Variants in DOCK4 observed in about 807,000 individuals in gnomAD.
DOCK4 encodes the protein dedicator of cytokinesis protein 4.
A neutral mutation model predicts 268.1 loss-of-function variants in DOCK4; 97 were observed. The observed-to-expected ratio is 0.36, with a 90% confidence interval of 0.31 to 0.43. DOCK4 has a LOEUF of 0.43. Among genes scored for constraint, DOCK4 ranks in the 20% least tolerant of loss-of-function variants. DOCK4 has a pLI of 1.00. For missense variants in DOCK4, 2,145 were observed against 2,455.7 expected (o/e 0.87, Z 2.67); for synonymous variants, 954 against 887.2 (o/e 1.08, Z -1.34).
At chr7:112,113,442 G>GA (rs1442902481) in intron 1 of DOCK4, among the ~76,000 whole-genome samples, 14 of 151,882 alleles carry the variant, frequency 9.2e-5, no homozygotes, top group Admixed American at 3.9e-4. Flanking sequence ...GGTAAGGAGA[G>GA]AAAAAAATCA....
At chr7:111,744,708 A>ATTTT (rs1796151053) in intron 44 of DOCK4, among the ~76,000 whole-genome samples, 2 of 152,368 alleles carry the variant, frequency 1.3e-5, no homozygotes, top group South Asian at 4.1e-4. Flanking sequence ...AAGTCATTGC[A>ATTTT]TAATCCTAAG....
chr7:112,197,887 G>C (rs897417092), intron 1 of DOCK4, among the ~76,000 whole-genome samples: 2 of 148,998 alleles, frequency 1.3e-5, no homozygotes, highest in African/African-American at 5.0e-5. Flanking sequence ...TGAATGTTTT[G>C]CAGGTATCTC....
intron 46 of DOCK4, 86 bp downstream of exon 46, chr7:111,741,454 A>AAAT (rs1795910510): frequency 6.5e-7 from 1 of 1,543,246 alleles, no homozygotes; most frequent in African/African-American, 1.4e-5. Flanking sequence ...CGTATTTGAC[A>AAAT]AATTGTGCCA....
chr7:111,856,856 T>C (rs751604630), intron 23 of DOCK4, among the ~76,000 whole-genome samples: 5 of 152,210 alleles, frequency 3.3e-5, no homozygotes, highest in Non-Finnish European at 7.3e-5. Context: ...AATATACTTT[T>C]ACATTAGATC....
At chr7:112,156,055 C>T (rs914271454) in intron 1 of DOCK4, among the ~76,000 whole-genome samples, 6 of 152,268 alleles carry the variant, frequency 3.9e-5, no homozygotes, top group African/African-American at 1.2e-4. Context: ...TCGCAGACCT[C>T]GAGACCCCTA....
chr7:111,990,674 G>A lies in DOCK4; in HGVS notation c.316-1511C>T, dbSNP rs114019560. 9.2e-3 allele frequency among the ~76,000 whole-genome samples: 1,398 copies of A among 152,218 alleles called. 11 individuals are homozygous for A. The highest frequency in any genetic ancestry group is 0.024 in the Middle Eastern group (7 of 294). On this transcript the variant is annotated intron_variant, in intron 5 of 52. Coordinates refer to ENST00000428084, the MANE Select transcript of DOCK4 (RefSeq NM_001363540.2). ...ATCATCTTGCTTCTCTCTCAACTCC[G>A]AAGGCACTCTATTGAGCCCATTCTT... is the stretch of plus-strand genomic sequence containing the variant.
intron 13 of DOCK4, among the ~76,000 whole-genome samples, chr7:111,908,744 G>A (rs1227681792): frequency 6.0e-5 from 9 of 150,336 alleles, no homozygotes; most frequent in Non-Finnish European, 8.9e-5. Flanking sequence ...TTCCCCTCCC[G>A]GTGTCCATGT....
intron 44 of DOCK4, among the ~76,000 whole-genome samples, chr7:111,744,543 G>T (rs1004917602): frequency 6.6e-6 from 1 of 152,116 alleles, no homozygotes; most frequent in African/African-American, 2.4e-5. Flanking sequence ...AAGGTTCCCT[G>T]GTTTTATTTT....
chr7:112,012,283 G>A (rs942128881), intron 1 of DOCK4, among the ~76,000 whole-genome samples: 4 of 151,728 alleles, frequency 2.6e-5, no homozygotes, highest in South Asian at 4.2e-4. Context: ...TTAGACAGAC[G>A]CAGGCTTAAG....
chr7:111,963,212 G>A (rs1053247240), intron 8 of DOCK4, among the ~76,000 whole-genome samples: 4 of 152,058 alleles, frequency 2.6e-5, no homozygotes, highest in Non-Finnish European at 5.9e-5. Context: ...AGCCAAGATG[G>A]CCGAATAGGA....
At chr7:111,778,950 G>A (rs1450839894) in intron 35 of DOCK4, among the ~76,000 whole-genome samples, 1 of 152,072 alleles carries the variant, frequency 6.6e-6, no homozygotes, top group Non-Finnish European at 1.5e-5. Flanking sequence ...AGCTACTTGG[G>A]AGGCTGAGGC....
chr7:112,023,188 A>G (rs1022394438), intron 1 of DOCK4, among the ~76,000 whole-genome samples: 8 of 152,124 alleles, frequency 5.3e-5, no homozygotes, highest in Admixed American at 1.3e-4. Context: ...TTGGCCTCCT[A>G]AAGTGCTGGG....
At chr7:111,843,903 T>C (rs931508765) in intron 25 of DOCK4, among the ~76,000 whole-genome samples, 3 of 152,140 alleles carry the variant, frequency 2.0e-5, no homozygotes, top group African/African-American at 7.2e-5. Context: ...GAAACCAAGA[T>C]ATAAAACATG....
intron 1 of DOCK4, among the ~76,000 whole-genome samples, chr7:112,194,278 G>A (rs1283520212): frequency 1.3e-5 from 2 of 152,218 alleles, no homozygotes; most frequent in Non-Finnish European, 2.9e-5. Flanking sequence ...CAAAGGAAAA[G>A]TGAGCAGTGA....
chr7:112,138,169 T>C (rs1814542650), intron 1 of DOCK4, among the ~76,000 whole-genome samples: 1 of 152,248 alleles, frequency 6.6e-6, no homozygotes, highest in African/African-American at 2.4e-5. Flanking sequence ...TATTTCCCTT[T>C]TACTCTAAAG....
intron 8 of DOCK4, among the ~76,000 whole-genome samples, chr7:111,955,394 CAAAT>C (rs777450583): frequency 2.6e-5 from 4 of 152,176 alleles, no homozygotes; most frequent in Non-Finnish European, 5.9e-5. Context: ...ATTCACCTTA[CAAAT>C]AATTGAGTGT....
intron 36 of DOCK4, among the ~76,000 whole-genome samples, chr7:111,772,128 A>G (rs1361811634): frequency 6.6e-6 from 1 of 152,234 alleles, no homozygotes; most frequent in Non-Finnish European, 1.5e-5. Flanking sequence ...TTTAATGGGT[A>G]CAGAGTTTCA....
At chr7:112,202,858 C>T (rs1361001797) in intron 1 of DOCK4, among the ~76,000 whole-genome samples, 1 of 151,968 alleles carries the variant, frequency 6.6e-6, no homozygotes, top group African/African-American at 2.4e-5. Flanking sequence ...AGTCACTGCC[C>T]ATGGAGCTCC....
intron 12 of DOCK4, among the ~76,000 whole-genome samples, chr7:111,917,315 T>C (rs1251182967): frequency 1.3e-5 from 2 of 151,954 alleles, no homozygotes; most frequent in Non-Finnish European, 2.9e-5. Context: ...AGGACAAAAA[T>C]ATCTCCCATC....
Sources: gnomAD v4.1 joint callset for allele counts (sites outside exome capture counted in the v4.1 genomes callset) on GRCh38, gnomAD v4.1.1 for gene constraint, MANE v1.5 for transcripts, NCBI Gene and HGNC (gene_info 2026-07-23, HGNC 2026-07-21) for gene names.